SNTB1: variants seen among roughly 807,000 people sequenced by gnomAD.
The protein encoded by SNTB1 is beta-1-syntrophin.
SNTB1 carries 36 observed loss-of-function variants against 48.9 expected under a neutral mutation model. That is an observed-to-expected ratio of 0.74 (90% CI 0.56 to 0.97). SNTB1 has a LOEUF of 0.97. Among genes scored for constraint, SNTB1 ranks in the 50% least tolerant of loss-of-function variants. SNTB1 has a pLI of 0.00. For synonymous variants in SNTB1, 299 were observed against 294.6 expected, an observed-to-expected ratio of 1.01 and a Z score of -0.15; for missense variants, 786 against 703.4, an observed-to-expected ratio of 1.12 and a Z score of -1.33.
intron 3 of SNTB1, among the ~76,000 whole-genome samples, chr8:120,587,204 G>C (rs1374463987): frequency 6.8e-6 from 1 of 147,260 alleles, no homozygotes; most frequent in Non-Finnish European, 1.5e-5. Flanking sequence ...CTGGGCAACG[G>C]AGCGAGACTC....
At chr8:120,685,162 C>T (rs1018926022) in intron 2 of SNTB1, among the ~76,000 whole-genome samples, 3 of 152,204 alleles carry the variant, frequency 2.0e-5, no homozygotes, top group African/African-American at 7.2e-5. Context: ...GATGGCTCTA[C>T]TGGTGGGAGG....
intron 1 of SNTB1, chr8:120,776,661 C>T (rs566936769): frequency 1.3e-5 from 2 of 152,298 alleles, no homozygotes; most frequent in South Asian, 4.1e-4. Flanking sequence ...TAATGTGAGG[C>T]CTTTTATGAA....
At chr8:120,774,945 C>G (rs562322468) in intron 1 of SNTB1, among the ~76,000 whole-genome samples, 2 of 152,130 alleles carry the variant, frequency 1.3e-5, no homozygotes, top group African/African-American at 4.8e-5. Context: ...TGAGCCACCA[C>G]GCCCGGCCAG....
intron 2 of SNTB1, among the ~76,000 whole-genome samples, chr8:120,681,328 C>G (rs577498028): frequency 1.3e-5 from 2 of 152,260 alleles, no homozygotes; most frequent in East Asian, 1.9e-4. Flanking sequence ...CACAGGAGAA[C>G]AAGACAGGCA....
At chr8:120,677,073 A>AC (rs1433706342) in intron 2 of SNTB1, among the ~76,000 whole-genome samples, 1 of 151,822 alleles carries the variant, frequency 6.6e-6, no homozygotes, top group Non-Finnish European at 1.5e-5. Context: ...CAAAAAAAAA[A>AC]AAAAAACTTT....
At chr8:120,643,311 T>C (rs1199678986) in intron 2 of SNTB1, among the ~76,000 whole-genome samples, 1 of 152,226 alleles carries the variant, frequency 6.6e-6, no homozygotes, top group Non-Finnish European at 1.5e-5. Flanking sequence ...GAACAGGTGG[T>C]TTTTGGTTAC....
chr8:120,772,117 C>T (rs552766047), intron 1 of SNTB1, among the ~76,000 whole-genome samples: 1 of 152,214 alleles, frequency 6.6e-6, no homozygotes, highest in Non-Finnish European at 1.5e-5. Context: ...GATCCACCTG[C>T]CTCGGGTTCC....
chr8:120,628,706 A>G (rs919893701), intron 3 of SNTB1, among the ~76,000 whole-genome samples: 2 of 152,104 alleles, frequency 1.3e-5, no homozygotes, highest in East Asian at 1.9e-4. Flanking sequence ...CAGTGAGCCA[A>G]CATCACACCA....
At chr8:120,666,243 G>A (rs1392334848) in intron 2 of SNTB1, among the ~76,000 whole-genome samples, 1 of 152,168 alleles carries the variant, frequency 6.6e-6, no homozygotes, top group African/African-American at 2.4e-5. Flanking sequence ...TCTTCCTGTA[G>A]TATTTCTTGT....
At chr8:120,642,271 CT>C (rs918571267) in intron 2 of SNTB1, among the ~76,000 whole-genome samples, 16 of 152,186 alleles carry the variant, frequency 1.1e-4, no homozygotes, top group African/African-American at 3.9e-4. Flanking sequence ...AGGCCTGTTG[CT>C]TTTTATCATC....
chr8:120,707,629 A>G (rs1213005363), intron 1 of SNTB1, among the ~76,000 whole-genome samples: 1 of 152,194 alleles, frequency 6.6e-6, no homozygotes, highest in Non-Finnish European at 1.5e-5. Context: ...AACTCTTTCA[A>G]TAAATAAACC....
chr8:120,570,563 C>A (rs1259317437), intron 4 of SNTB1: 3 of 152,314 alleles, frequency 2.0e-5, no homozygotes, highest in African/African-American at 7.2e-5. Flanking sequence ...AGAAGCTACA[C>A]CACCTGGGGT....
chr8:120,545,831 A>G (rs1815371818), intron 5 of SNTB1, among the ~76,000 whole-genome samples: 1 of 152,268 alleles, frequency 6.6e-6, no homozygotes, highest in Non-Finnish European at 1.5e-5. Context: ...CATATTGGGC[A>G]GCACAGGTCT....
At chr8:120,744,288 C>T (rs534307356) in intron 1 of SNTB1, among the ~76,000 whole-genome samples, 1 of 152,228 alleles carries the variant, frequency 6.6e-6, no homozygotes, top group South Asian at 2.1e-4. Context: ...TAACTAGCAC[C>T]TCTCCTTTCC....
chr8:120,567,066 T>A (rs1170622876), intron 4 of SNTB1, among the ~76,000 whole-genome samples: 1 of 152,218 alleles, frequency 6.6e-6, no homozygotes, highest in East Asian at 1.9e-4. Flanking sequence ...GTCCATCTCT[T>A]ACTGTTACTG....
intron 2 of SNTB1, among the ~76,000 whole-genome samples, chr8:120,671,545 C>A (rs1160949535): frequency 6.6e-6 from 1 of 152,176 alleles, no homozygotes; most frequent in East Asian, 1.9e-4. Context: ...TAGAAGAAGG[C>A]AAAGGCAAGG....
chr8:120,811,859 A>T lies in SNTB1; in HGVS notation c.-16T>A, dbSNP rs1820444475. On this transcript the variant is annotated 5_prime_UTR_variant, in exon 1 of 7. An upstream open reading frame in the 5' UTR loses its in-frame stop. Coordinates refer to ENST00000517992, the MANE Select transcript of SNTB1 (RefSeq NM_021021.4). ...CTACCGCCATCTTTCCGGCATTCTT[A>T]AAATGCCATGTGATTGGAAAAGGGG... 6 of 1,336,770 alleles carry T rather than the reference A, an allele frequency of 4.5e-6. No individual in the cohort carries two copies. The South Asian group carries it at 1.4e-4, about 30-fold the overall frequency. 82.8% of individuals were successfully genotyped at this position (1,336,770 alleles called of 1,614,324 possible).
At chr8:120,640,486 G>A (rs1199678820) in intron 2 of SNTB1, among the ~76,000 whole-genome samples, 1 of 152,112 alleles carries the variant, frequency 6.6e-6, no homozygotes, top group Non-Finnish European at 1.5e-5. Context: ...TCCAGTTTTT[G>A]CCCATTCAGT....
At chr8:120,789,990 C>T (rs1819997341) in intron 1 of SNTB1, among the ~76,000 whole-genome samples, 1 of 151,920 alleles carries the variant, frequency 6.6e-6, no homozygotes, top group African/African-American at 2.4e-5. Flanking sequence ...AAATCCTCTA[C>T]AAAATTCTAG....
Sources: gnomAD v4.1 joint callset for allele counts (sites outside exome capture counted in the v4.1 genomes callset) on GRCh38, gnomAD v4.1.1 for gene constraint, MANE v1.5 for transcripts, NCBI Gene and HGNC (gene_info 2026-07-23, HGNC 2026-07-21) for gene names.